The following SGCD variants were observed in gnomAD, a reference collection of about 807,000 sequenced individuals.
SGCD encodes the protein sarcoglycan delta.
A neutral mutation model predicts 36.6 loss-of-function variants in SGCD; 18 were observed. The ratio of observed to expected loss-of-function variants is 0.49; its 90% CI spans 0.34 to 0.73. The LOEUF (loss-of-function observed/expected upper bound fraction) is 0.73, where lower values mean the gene tolerates loss of function less well. Ranked by LOEUF, SGCD falls within the 30% of genes least tolerant of loss-of-function variation. The pLI, the probability that SGCD is intolerant of heterozygous loss-of-function variation, is 0.01. For missense variants in SGCD, 387 were observed against 346.7 expected (o/e 1.12, Z -0.92); for synonymous variants, 133 against 130.6 (o/e 1.02, Z -0.12).
In SGCD at chr5:156,763,806, C is replaced by A. The variant is rs1471264260; in HGVS notation, c.*4416C>A. 3 of 151,668 alleles carry A rather than the reference C, an allele frequency of 2.0e-5. No individual in the cohort carries two copies. The highest frequency in any genetic ancestry group is 2.9e-5 in the Non-Finnish European group (2 of 67,970). The allele number at this position is 151,668 out of a possible 1,614,324, so 9.4% of individuals were successfully genotyped here. A position where few individuals can be genotyped will look rare whatever the true frequency, so the allele number is the denominator to read the frequency against. ...AGGAATTTTTTTTAAATGTAAATGA[C>A]CCCCATTTACCAGACCCTAATCAAA... On this transcript the variant is annotated 3_prime_UTR_variant, in exon 9 of 9. Coordinates refer to ENST00000337851, the MANE Select transcript of SGCD (RefSeq NM_000337.6).
At chr5:156,240,831 A>C (rs1406776742) in intron 3 of SGCD, among the ~76,000 whole-genome samples, 1 of 152,226 alleles carries the variant, frequency 6.6e-6, no homozygotes, top group Non-Finnish European at 1.5e-5. Flanking sequence ...AAACAAACAA[A>C]ACCAAAAGCC....
chr5:155,848,448 C>G, the SGCD span, among the ~76,000 whole-genome samples: 1 of 152,156 alleles, frequency 6.6e-6, no homozygotes, highest in Non-Finnish European at 1.5e-5. Context: ...GTTATGATAT[C>G]ACTCAACAAA....
chr5:156,683,489 A>G (rs1753795255), intron 7 of SGCD, among the ~76,000 whole-genome samples: 1 of 152,244 alleles, frequency 6.6e-6, no homozygotes, highest in African/African-American at 2.4e-5. Flanking sequence ...TCCTAAGAGA[A>G]GGGATGAGCA....
At chr5:155,968,438 C>A (rs758931050) in intron 1 of SGCD, among the ~76,000 whole-genome samples, 1 of 152,038 alleles carries the variant, frequency 6.6e-6, no homozygotes, top group Non-Finnish European at 1.5e-5. Flanking sequence ...CCACAGTCAA[C>A]CATGGTCCAA....
chr5:156,547,205 G>A (rs912596150), intron 4 of SGCD, among the ~76,000 whole-genome samples: 1 of 152,014 alleles, frequency 6.6e-6, no homozygotes, highest in Non-Finnish European at 1.5e-5. Flanking sequence ...TCTCACTTTT[G>A]TGGGGACTGT....
chr5:156,112,374 G>A (rs1207131728), intron 1 of SGCD, among the ~76,000 whole-genome samples: 1 of 152,140 alleles, frequency 6.6e-6, no homozygotes, highest in African/African-American at 2.4e-5. Context: ...AAAAATAATA[G>A]CCAGCCACCT....
chr5:156,294,578 C>T (rs1482407246), intron 3 of SGCD, among the ~76,000 whole-genome samples: 1 of 152,058 alleles, frequency 6.6e-6, no homozygotes, highest in Non-Finnish European at 1.5e-5. Flanking sequence ...ATAGCAAATG[C>T]TTTTATTCTT....
intron 3 of SGCD, among the ~76,000 whole-genome samples, chr5:156,499,692 TGAAGG>T (rs1756363726): frequency 6.6e-6 from 1 of 151,974 alleles, no homozygotes; most frequent in Admixed American, 6.6e-5. Context: ...TGTGACAGAG[TGAAGG>T]GAGACCGGTA....
At chr5:156,272,102 G>A (rs967858772) in intron 3 of SGCD, among the ~76,000 whole-genome samples, 7 of 151,906 alleles carry the variant, frequency 4.6e-5, no homozygotes, top group Non-Finnish European at 1.0e-4. Flanking sequence ...TGAGATGTTA[G>A]TGCACCCATC....
intron 4 of SGCD, among the ~76,000 whole-genome samples, chr5:156,553,809 A>C (rs1287967666): frequency 6.6e-6 from 1 of 152,146 alleles, no homozygotes; most frequent in Non-Finnish European, 1.5e-5. Flanking sequence ...TTTATGGCTG[A>C]ATTACTATTA....
the SGCD span, among the ~76,000 whole-genome samples, chr5:155,832,062 G>A: frequency 6.6e-6 from 1 of 152,216 alleles, no homozygotes; most frequent in Admixed American, 6.5e-5. Flanking sequence ...CTCAATGCCA[G>A]CTTAGTTCTG....
chr5:155,737,979 G>A, the SGCD span, among the ~76,000 whole-genome samples: 1 of 152,224 alleles, frequency 6.6e-6, no homozygotes, highest in Non-Finnish European at 1.5e-5. Context: ...AGACTCTTTT[G>A]ATTGAATAAT....
chr5:156,680,804 A>T (rs1753690459), intron 7 of SGCD, among the ~76,000 whole-genome samples: 1 of 152,220 alleles, frequency 6.6e-6, no homozygotes, highest in Non-Finnish European at 1.5e-5. Context: ...AGGTAACATT[A>T]TATGGTATTG....
chr5:156,218,309 A>G (rs1292957598), intron 3 of SGCD, among the ~76,000 whole-genome samples: 1 of 152,226 alleles, frequency 6.6e-6, no homozygotes, highest in Admixed American at 6.5e-5. Flanking sequence ...TTCAAACAAC[A>G]TGAAAGATAT....
At chr5:156,566,126 C>G (rs1210972372) in intron 4 of SGCD, among the ~76,000 whole-genome samples, 1 of 151,998 alleles carries the variant, frequency 6.6e-6, no homozygotes, top group Non-Finnish European at 1.5e-5. Context: ...TAGAGAAATG[C>G]AAATCAAAAC....
the SGCD span, among the ~76,000 whole-genome samples, chr5:155,742,929 G>A: frequency 6.6e-6 from 1 of 152,206 alleles, no homozygotes; most frequent in African/African-American, 2.4e-5. Context: ...TTGCTGGTTT[G>A]TTATAAAGGA....
chr5:155,888,014 T>C (rs189090411), intron 1 of SGCD, among the ~76,000 whole-genome samples: 4 of 152,342 alleles, frequency 2.6e-5, no homozygotes, highest in African/African-American at 7.2e-5. Context: ...ACTTAGTGAA[T>C]GGCAGAGCTG....
chr5:156,094,992 C>T (rs899330935), intron 1 of SGCD, among the ~76,000 whole-genome samples: 1 of 147,116 alleles, frequency 6.8e-6, no homozygotes, highest in Non-Finnish European at 1.5e-5. Context: ...GACTCCATCT[C>T]AAAAAAAAAA....
chr5:156,607,052 A>C (rs921024767), intron 6 of SGCD, among the ~76,000 whole-genome samples: 2 of 152,126 alleles, frequency 1.3e-5, no homozygotes, highest in African/African-American at 4.8e-5. Flanking sequence ...TCTCCTGCCT[A>C]ATTGCCCTGG....
Sources: gnomAD v4.1 joint callset for allele counts (sites outside exome capture counted in the v4.1 genomes callset) on GRCh38, gnomAD v4.1.1 for gene constraint, MANE v1.5 for transcripts, NCBI Gene and HGNC (gene_info 2026-07-23, HGNC 2026-07-21) for gene names.